NRXN1: variants seen among roughly 807,000 people sequenced by gnomAD.
The protein encoded by NRXN1 is neurexin 1.
In NRXN1, 39 loss-of-function variants were observed where a neutral mutation model predicts 150.9. The ratio of observed to expected loss-of-function variants is 0.26; its 90% confidence interval spans 0.20 to 0.34. The LOEUF is 0.34. Ranked by LOEUF, NRXN1 falls within the 10% of genes least tolerant of loss-of-function variation. The pLI, the probability that NRXN1 is intolerant of heterozygous loss-of-function variation, is 1.00. For synonymous variants in NRXN1, 924 were observed against 757.0 expected (o/e 1.22, Z -3.62); for missense variants, 1,815 against 1,949.9 (o/e 0.93, Z 1.30).
chr2:50,346,894 C>T lies in NRXN1; in HGVS notation c.3365-109924G>A. ...TGCGCCGCCGCCGCCGCCGCCGCCG[C>T]CGCCGCCCCCGGGCGAGCCCAGCTC... On this transcript the variant is annotated intron_variant, in intron 17 of 22. Transcript: ENST00000401669. This position sits in a 1 kb window ranked among gnomAD's most constrained non-coding sequence, Gnocchi z 5.0. 2 of 1,304,038 alleles carry T rather than the reference C, an allele frequency of 1.5e-6. No homozygotes were observed. The highest frequency in any genetic ancestry group is 1.6e-5 in the African/African-American group (1 of 63,200). The allele number at this position is 1,304,038 out of a possible 1,614,324, so 80.8% of individuals were successfully genotyped here. A position where few individuals can be genotyped will look rare whatever the true frequency, so the allele number is the denominator to read the frequency against.
Position 50,200,666 on chromosome 2 carries a change from A to T in NRXN1, c.3546+36123T>A, listed in dbSNP as rs75680897. 8.4e-3 allele frequency among the ~76,000 whole-genome samples: 1,282 copies of T among 152,264 alleles called. 11 individuals are homozygous for T. The highest frequency in any genetic ancestry group is 0.014 in the Non-Finnish European group (983 of 68,012). ...CAAAGACTTTGTAGCAATCTGGAAT[A>T]AAATCATTTGGTTTCCTCTAGACTG... is the stretch of plus-strand genomic sequence containing the variant. On this transcript the variant is annotated intron_variant, in intron 18 of 22. Coordinates refer to ENST00000401669, the MANE Select transcript of NRXN1 (RefSeq NM_001330078.2).
chr2:50,518,723 G>A (rs2092697716), intron 12 of NRXN1, among the ~76,000 whole-genome samples: 1 of 151,422 alleles, frequency 6.6e-6, no homozygotes, highest in African/African-American at 2.4e-5. Flanking sequence ...TTTTAATGAG[G>A]TCAAGAAGGA....
rs531817859 is a variant in NRXN1 at position 50,038,991 on chromosome 2, A to AGTGTG, written c.4128+14275_4128+14279dup. Reference sequence around the variant, plus strand: ...TCAGGAATTGGAGACCAGCCTGGCCAGTGTGGTGAAACCTCGTCTCTACTA... The same window carrying AGTGTG: ...TCAGGAATTGGAGACCAGCCTGGCCAGTGTGGTGTGGTGAAACCTCGTCTCTACTA... On this transcript the variant is annotated intron_variant, in intron 21 of 22. Coordinates refer to ENST00000401669, the MANE Select transcript of NRXN1 (RefSeq NM_001330078.2). Among the ~76,000 whole-genome samples, 104 of 152,172 alleles carry AGTGTG rather than the reference A, an allele frequency of 6.8e-4. 2 individuals are homozygous for AGTGTG. The South Asian group carries it at 0.02, about 30-fold the overall frequency.
At chr2:50,656,234 T>G (rs1686439122) in intron 5 of NRXN1, 2 of 575,282 alleles carry the variant, frequency 3.5e-6, no homozygotes. Flanking sequence ...TTTTTAAACT[T>G]AAAGTCTAAT....
intron 17 of NRXN1, among the ~76,000 whole-genome samples, chr2:50,242,893 C>T (rs767260933): frequency 6.6e-6 from 1 of 151,594 alleles, no homozygotes; most frequent in Non-Finnish European, 1.5e-5. Context: ...TGAAAGAAGG[C>T]AAGAAACATG....
chr2:50,925,522 G>A (rs539410842), intron 3 of NRXN1, among the ~76,000 whole-genome samples: 1 of 151,710 alleles, frequency 6.6e-6, no homozygotes, highest in Non-Finnish European at 1.5e-5. Flanking sequence ...AAACCAATGG[G>A]CTTGAAATGA....
Position 50,199,997 on chromosome 2 carries a change from G to T in NRXN1, c.3546+36792C>A, listed in dbSNP as rs1004421930. 5.0e-4 allele frequency among the ~76,000 whole-genome samples: 76 copies of T among 152,128 alleles called. 2 individuals carry two copies. The highest frequency in any genetic ancestry group is 5.0e-3 in the Admixed American group (76 of 15,268). On this transcript the variant is annotated intron_variant, in intron 18 of 22. Transcript: ENST00000401669. ...ATGATTCACAATGTCTGCAATGAGA[G>T]ATTAGATGACAGAGTAACCTATTAA...
intron 12 of NRXN1, among the ~76,000 whole-genome samples, chr2:50,511,018 T>A (rs1002271779): frequency 6.6e-6 from 1 of 152,052 alleles, no homozygotes; most frequent in Admixed American, 6.6e-5. Flanking sequence ...AACTGTTAAA[T>A]TAAGAAGCAT....
intron 19 of NRXN1, among the ~76,000 whole-genome samples, chr2:50,082,942 T>C (rs1234436716): frequency 6.6e-6 from 1 of 152,230 alleles, no homozygotes; most frequent in Non-Finnish European, 1.5e-5. Flanking sequence ...TATTTCAATT[T>C]TGTCAGCAAT....
intron 15 of NRXN1, among the ~76,000 whole-genome samples, chr2:50,475,409 A>AAAGT (rs1558795999): frequency 4.1e-5 from 4 of 98,388 alleles, no homozygotes; most frequent in African/African-American, 1.4e-4. Flanking sequence ...AAAAGAGGAA[A>AAAGT]CAGTAAGGCA....
At chr2:50,926,350 A>G (rs1686883794) in intron 2 of NRXN1, among the ~76,000 whole-genome samples, 1 of 151,960 alleles carries the variant, frequency 6.6e-6, no homozygotes, top group African/African-American at 2.4e-5. Context: ...ATTTGGCCTT[A>G]GATTTTAAGA....
chr2:50,670,706 A>G (rs1688719649), intron 5 of NRXN1, among the ~76,000 whole-genome samples: 2 of 151,860 alleles, frequency 1.3e-5, no homozygotes. Flanking sequence ...CCTTGGTGGG[A>G]GCACTAAGGA....
chr2:49,992,899 C>T (rs1682252622), intron 21 of NRXN1, among the ~76,000 whole-genome samples: 1 of 152,192 alleles, frequency 6.6e-6, no homozygotes, highest in Admixed American at 6.5e-5. Context: ...ATCTGGAACA[C>T]TGACAACACC....
intron 21 of NRXN1, chr2:49,973,653 G>A (rs1678375454): frequency 2.8e-6 from 1 of 352,750 alleles, no homozygotes; most frequent in Non-Finnish European, 5.2e-6. Context: ...ACAAGTTTTG[G>A]TTGTTTTTGC....
chr2:50,731,690 G>C (rs530995758), intron 5 of NRXN1, among the ~76,000 whole-genome samples: 1 of 152,114 alleles, frequency 6.6e-6, no homozygotes, highest in African/African-American at 2.4e-5. Flanking sequence ...GTGAAACCTG[G>C]AAACCTGCAT....
chr2:50,876,051 G>A (rs1266527222), intron 5 of NRXN1, among the ~76,000 whole-genome samples: 1 of 151,782 alleles, frequency 6.6e-6, no homozygotes, highest in Non-Finnish European at 1.5e-5. Context: ...GCTGGGTGCA[G>A]GAGTGGAACA....
chr2:50,767,297 C>T (rs184899494), intron 5 of NRXN1, among the ~76,000 whole-genome samples: 2 of 152,062 alleles, frequency 1.3e-5, no homozygotes, highest in East Asian at 1.9e-4. Context: ...TTTATTATTG[C>T]ACTTAGCACC....
chr2:50,043,003 A>G (rs946807246), intron 21 of NRXN1, among the ~76,000 whole-genome samples: 4 of 152,172 alleles, frequency 2.6e-5, no homozygotes, highest in African/African-American at 7.2e-5. Flanking sequence ...AGGAAATAGG[A>G]ACACTGCTGG....
chr2:50,965,587 A>T (rs1173352146), intron 2 of NRXN1, among the ~76,000 whole-genome samples: 2 of 151,486 alleles, frequency 1.3e-5, no homozygotes, highest in Non-Finnish European at 3.0e-5. Context: ...ATTTACTTTT[A>T]CTTGAATGGT....
Sources: allele counts gnomAD v4.1 joint callset (sites outside exome capture counted in the v4.1 genomes callset), GRCh38; gene constraint gnomAD v4.1.1; non-coding constraint Gnocchi (gnomAD v3.1); transcripts MANE v1.5; gene names NCBI Gene and HGNC (gene_info 2026-07-23, HGNC 2026-07-21).